EXOC4: variants seen among roughly 807,000 people sequenced by gnomAD.
EXOC4 encodes the protein exocyst complex component 4, also known as SEC8-like 1.
Under a neutral mutation model 107.2 loss-of-function variants are expected in EXOC4, and 71 were observed. That is an observed-to-expected ratio of 0.66 (90% CI 0.55 to 0.81). The LOEUF is 0.81. Ranked by LOEUF, EXOC4 falls within the 30% of genes least tolerant of loss-of-function variation. The pLI, the probability that EXOC4 is intolerant of heterozygous loss-of-function variation, is 0.00. For missense variants in EXOC4, 1,108 were observed against 1,189.6 expected (o/e 0.93, Z 1.01); for synonymous variants, 456 against 441.2 (o/e 1.03, Z -0.42).
At chr7:133,794,165 T>C (rs772050874) in intron 10 of EXOC4, among the ~76,000 whole-genome samples, 2 of 152,214 alleles carry the variant, frequency 1.3e-5, no homozygotes, top group Non-Finnish European at 2.9e-5. Flanking sequence ...TGGTACCCTT[T>C]CCAGTTACTA....
intron 7 of EXOC4, among the ~76,000 whole-genome samples, chr7:133,446,546 A>G (rs529224219): frequency 2.4e-4 from 36 of 152,314 alleles, no homozygotes; most frequent in African/African-American, 8.4e-4. Flanking sequence ...TCCTCAGTCC[A>G]GCGACCTGTC....
At chr7:133,947,882 C>T (rs981823098) in intron 14 of EXOC4, among the ~76,000 whole-genome samples, 1 of 152,132 alleles carries the variant, frequency 6.6e-6, no homozygotes, top group Non-Finnish European at 1.5e-5. Flanking sequence ...ATTTTATCTT[C>T]AAGCAAAACT....
intron 9 of EXOC4, among the ~76,000 whole-genome samples, chr7:133,622,887 G>A (rs1325571234): frequency 2.6e-5 from 4 of 152,092 alleles, no homozygotes; most frequent in African/African-American, 7.2e-5. Context: ...ATATATAGTT[G>A]AAAAAACTGT....
chr7:134,006,530 A>G (rs1223829341), intron 16 of EXOC4, among the ~76,000 whole-genome samples: 4 of 152,152 alleles, frequency 2.6e-5, no homozygotes, highest in Non-Finnish European at 4.4e-5. Flanking sequence ...CAAGACCTGA[A>G]TGCATCTCCT....
chr7:133,884,059 A>G (rs1307899178), intron 11 of EXOC4, among the ~76,000 whole-genome samples: 2 of 152,246 alleles, frequency 1.3e-5, no homozygotes, highest in African/African-American at 4.8e-5. Context: ...GTCATTGAAT[A>G]TGCCCCAATA....
At chr7:134,089,531 G>A in the EXOC4 span, among the ~76,000 whole-genome samples, 1 of 152,112 alleles carries the variant, frequency 6.6e-6, no homozygotes. Context: ...AACTTCACGT[G>A]TCCCAAGCCT....
intron 5 of EXOC4, among the ~76,000 whole-genome samples, chr7:133,342,424 C>T (rs1795683743): frequency 6.6e-6 from 1 of 151,998 alleles, no homozygotes; most frequent in Admixed American, 6.6e-5. Flanking sequence ...TGATAGGTTA[C>T]CTGATGCTTT....
intron 14 of EXOC4, among the ~76,000 whole-genome samples, chr7:133,951,463 T>C (rs1216194875): frequency 1.3e-5 from 2 of 152,214 alleles, no homozygotes; most frequent in African/African-American, 2.4e-5. Context: ...TAAGCTCTTT[T>C]CCTCATTCTT....
At chr7:133,686,991 TTTTGTGTGTGTGTGTGTGTGTGTGTGTG>T (rs764181992) in intron 10 of EXOC4, among the ~76,000 whole-genome samples, 118 of 144,646 alleles carry the variant, frequency 8.2e-4, no homozygotes, top group Non-Finnish European at 1.2e-3. Flanking sequence ...GGATAAAGAA[TTTTGTGTGTGTGTGTGTGTGTGTGTGTG>T]TGTGTGTGTG....
chr7:134,018,673 T>C (rs1794963185), intron 17 of EXOC4, among the ~76,000 whole-genome samples: 1 of 152,156 alleles, frequency 6.6e-6, no homozygotes, highest in Non-Finnish European at 1.5e-5. Flanking sequence ...ATGTGCTATA[T>C]TGTTCTTCAT....
intron 10 of EXOC4, among the ~76,000 whole-genome samples, chr7:133,816,392 CTT>C (rs1309586571): frequency 2.0e-5 from 3 of 152,134 alleles, no homozygotes; most frequent in Non-Finnish European, 4.4e-5. Flanking sequence ...ATCTCTGAGA[CTT>C]GACAATCATT....
intron 14 of EXOC4, among the ~76,000 whole-genome samples, chr7:133,985,454 A>G (rs920966176): frequency 1.3e-5 from 2 of 152,202 alleles, no homozygotes; most frequent in Non-Finnish European, 2.9e-5. Context: ...CTCTAAGACC[A>G]GTTTTACCTA....
intron 10 of EXOC4, among the ~76,000 whole-genome samples, chr7:133,684,711 C>T (rs28584280): frequency 0.017 from 2,540 of 152,148 alleles, 65 homozygotes; most frequent in African/African-American, 0.057. Context: ...AGAGAGTAAG[C>T]GGTCTCCTGG....
At chr7:133,909,431 C>T (rs949061840) in intron 12 of EXOC4, among the ~76,000 whole-genome samples, 1 of 152,224 alleles carries the variant, frequency 6.6e-6, no homozygotes, top group East Asian at 1.9e-4. Context: ...CATTTGAGCT[C>T]AGTTCTAAAG....
chr7:134,083,222 C>T, the EXOC4 span, among the ~76,000 whole-genome samples: 1 of 152,032 alleles, frequency 6.6e-6, no homozygotes, highest in African/African-American at 2.4e-5. Context: ...TAAGCAGGCA[C>T]CTAGGAGCCC....
chr7:133,589,381 C>G (rs182110468), intron 9 of EXOC4, among the ~76,000 whole-genome samples: 12 of 152,304 alleles, frequency 7.9e-5, no homozygotes, highest in African/African-American at 2.6e-4. Context: ...GTGCTCTTCA[C>G]CTGTCCATTT....
intron 8 of EXOC4, among the ~76,000 whole-genome samples, chr7:133,476,085 GT>G (rs1799006030): frequency 6.6e-6 from 1 of 152,228 alleles, no homozygotes; most frequent in Non-Finnish European, 1.5e-5. Flanking sequence ...TACTGGGTGA[GT>G]TTCCCAAAAT....
chr7:133,624,821 G>GACCTCAGGTAATCTGCCC (rs2151009816), intron 9 of EXOC4, among the ~76,000 whole-genome samples: 1 of 151,610 alleles, frequency 6.6e-6, no homozygotes, highest in South Asian at 2.1e-4. Context: ...TTGAACTCCT[G>GACCTCAGGTAATCTGCCC]ACCTCAGGTA....
At chr7:133,787,877 A>T (rs1283816261) in intron 10 of EXOC4, among the ~76,000 whole-genome samples, 1 of 148,272 alleles carries the variant, frequency 6.7e-6, no homozygotes, top group Non-Finnish European at 1.5e-5. Flanking sequence ...AGTTCAATCC[A>T]TAGCACTTGT....
Sources: allele counts gnomAD v4.1 joint callset (sites outside exome capture counted in the v4.1 genomes callset), GRCh38; gene constraint gnomAD v4.1.1; transcripts MANE v1.5; gene names NCBI Gene and HGNC (gene_info 2026-07-23, HGNC 2026-07-21).